The following PTPRD variants were observed in gnomAD, a reference collection of about 807,000 sequenced individuals.
PTPRD encodes receptor-type tyrosine-protein phosphatase delta.
Under a neutral mutation model 214.5 loss-of-function variants are expected in PTPRD, and 34 were observed. The observed-to-expected ratio is 0.16, with a 90% CI of 0.12 to 0.21. PTPRD has a LOEUF of 0.21. Among genes scored for constraint, PTPRD ranks in the 10% least tolerant of loss-of-function variants. The probability of loss-of-function intolerance (pLI) is 1.00; values close to 1 mark genes in which losing one functional copy is unlikely to be tolerated. For synonymous variants in PTPRD, 1,128 were observed against 845.7 expected, an observed-to-expected ratio of 1.33 and a Z score of -5.79; for missense variants, 2,545 against 2,398.7, an observed-to-expected ratio of 1.06 and a Z score of -1.27.
chr9:10,444,312 G>C (rs895011595), intron 2 of PTPRD, among the ~76,000 whole-genome samples: 4 of 151,700 alleles, frequency 2.6e-5, no homozygotes, highest in African/African-American at 4.8e-5. Flanking sequence ...AGTAATAAAA[G>C]ATATTTAATG....
At position 9,631,518 on chromosome 9, in the gene PTPRD, C is replaced by CT. The variant is rs572370104; in HGVS notation, c.-286-56738dup. ...GCACTCTTTATTCAAAGTATAGGGC[C>CT]TTTTTTTCTTGTTTTCTAAACATAG... On this transcript the variant is annotated intron_variant, in intron 7 of 45. Transcript: ENST00000381196. Among the ~76,000 whole-genome samples the CT allele has an allele frequency of 3.6e-4, 55 of 152,134 alleles. No individual in the cohort carries two copies. The South Asian group carries it at 9.8e-3, about 27-fold the overall frequency.
intron 3 of PTPRD, among the ~76,000 whole-genome samples, chr9:10,331,347 G>C (rs547472335): frequency 6.6e-6 from 1 of 151,936 alleles, no homozygotes; most frequent in South Asian, 2.1e-4. Flanking sequence ...ATAGAAGCTT[G>C]TCTAGCTTGA....
intron 8 of PTPRD, among the ~76,000 whole-genome samples, chr9:9,496,802 C>T (rs1168513711): frequency 6.6e-6 from 1 of 151,910 alleles, no homozygotes; most frequent in Non-Finnish European, 1.5e-5. Flanking sequence ...ATTTATACAC[C>T]CATGTTTAGT....
chr9:9,905,141 T>C (rs906509780), intron 5 of PTPRD, among the ~76,000 whole-genome samples: 1 of 151,978 alleles, frequency 6.6e-6, no homozygotes, highest in Non-Finnish European at 1.5e-5. Flanking sequence ...ATTTAGTTCG[T>C]ACTTGAACAC....
At position 10,167,120 on chromosome 9, in the gene PTPRD, C is replaced by A. The variant is rs1564268138; in HGVS notation, c.-544-133330G>T. Among the ~76,000 whole-genome samples, 9 of 130,776 alleles carry A rather than the reference C, an allele frequency of 6.9e-5. No individual in the cohort carries two copies. In the South Asian group the frequency reaches 2.0e-3, roughly 30 times the overall value. 85.8% of individuals were successfully genotyped at this position (130,776 alleles called of 152,430 possible). A position where few individuals can be genotyped will look rare whatever the true frequency, so the allele number is the denominator to read the frequency against. On this transcript the variant is annotated intron_variant, in intron 3 of 45. Coordinates refer to ENST00000381196, the MANE Select transcript of PTPRD (RefSeq NM_002839.4). ...AGGTGCTTAGACTTATAAAAGTAGA[C>A]CTTTTTTTTTTTTCATAACAAATCT...
intron 4 of PTPRD, among the ~76,000 whole-genome samples, chr9:9,987,511 A>G (rs1407915327): frequency 6.6e-6 from 1 of 152,052 alleles, no homozygotes; most frequent in Non-Finnish European, 1.5e-5. Context: ...ATCCAATCTC[A>G]TGAGACCAAT....
chr9:10,087,722 A>G (rs2098370047), intron 3 of PTPRD, among the ~76,000 whole-genome samples: 2 of 151,756 alleles, frequency 1.3e-5, no homozygotes. Context: ...ATATACTAAT[A>G]GAATATGAGT....
intron 9 of PTPRD, among the ~76,000 whole-genome samples, chr9:9,370,264 G>A (rs2059096223): frequency 6.6e-6 from 1 of 151,990 alleles, no homozygotes; most frequent in South Asian, 2.1e-4. Context: ...TCTTCCATTT[G>A]TTTGTGTCCT....
Position 8,824,090 on chromosome 9 carries a change from G to C in PTPRD, c.-103-90144C>G, listed in dbSNP as rs1391024360. ...CTTGTCGCCACTTTGGTGTTGGTGG[G>C]TTTTGGCTGGCTCCTTTACTGTTAC... is the stretch of plus-strand genomic sequence containing the variant. On this transcript the variant is annotated intron_variant, in intron 11 of 45. Coordinates refer to ENST00000381196, the MANE Select transcript of PTPRD (RefSeq NM_002839.4). Among the ~76,000 whole-genome samples, 4 of 152,136 alleles carry C rather than the reference G, an allele frequency of 2.6e-5. No homozygotes were observed. In the East Asian group the frequency reaches 7.7e-4, roughly 29 times the overall value.
intron 11 of PTPRD, among the ~76,000 whole-genome samples, chr9:8,890,359 A>T (rs2098528399): frequency 3.3e-5 from 5 of 152,190 alleles, no homozygotes; most frequent in African/African-American, 1.2e-4. Context: ...TTTCCATCTC[A>T]CATTTCTATC....
intron 2 of PTPRD, among the ~76,000 whole-genome samples, chr9:10,515,914 C>A (rs2049934585): frequency 6.6e-6 from 1 of 151,816 alleles, no homozygotes; most frequent in South Asian, 2.1e-4. Flanking sequence ...GCAGAATTTT[C>A]TTTTTTATGG....
At chr9:8,775,644 T>G (rs911838485) in intron 11 of PTPRD, among the ~76,000 whole-genome samples, 4 of 152,228 alleles carry the variant, frequency 2.6e-5, no homozygotes, top group African/African-American at 4.8e-5. Context: ...CATGGGCATT[T>G]TGCATGATGC....
chr9:9,390,341 T>A (rs942396668), intron 9 of PTPRD, among the ~76,000 whole-genome samples: 38 of 152,114 alleles, frequency 2.5e-4, no homozygotes, highest in African/African-American at 8.9e-4. Context: ...TGAATTAGAA[T>A]ACAGAAGTAC....
At chr9:9,718,352 C>A (rs906937798) in intron 7 of PTPRD, among the ~76,000 whole-genome samples, 2 of 152,124 alleles carry the variant, frequency 1.3e-5, no homozygotes, top group African/African-American at 4.8e-5. Flanking sequence ...CTGCAGAAGC[C>A]CATCTAGAGT....
chr9:10,501,027 T>C (rs941255550), intron 2 of PTPRD, among the ~76,000 whole-genome samples: 2 of 152,098 alleles, frequency 1.3e-5, no homozygotes, highest in Admixed American at 6.6e-5. Context: ...TATCATATAC[T>C]GATTTCCTTA....
At chr9:8,890,385 G>A (rs34065312) in intron 11 of PTPRD, among the ~76,000 whole-genome samples, 31,407 of 152,116 alleles carry the variant, frequency 0.21, 3,966 homozygotes, top group Middle Eastern at 0.29. Context: ...GTGTACAAGT[G>A]TAAGAAACTA....
chr9:9,524,671 G>C (rs113081640), intron 8 of PTPRD, among the ~76,000 whole-genome samples: 1 of 152,088 alleles, frequency 6.6e-6, no homozygotes, highest in Non-Finnish European at 1.5e-5. Flanking sequence ...TATCCTTAAC[G>C]TATAGTCATT....
At chr9:8,646,841 T>C (rs2096704850) in intron 12 of PTPRD, among the ~76,000 whole-genome samples, 1 of 152,220 alleles carries the variant, frequency 6.6e-6, no homozygotes, top group African/African-American at 2.4e-5. Flanking sequence ...ATAGTTTCAA[T>C]GCATACATGA....
chr9:10,347,884 C>T (rs536861666), intron 2 of PTPRD, among the ~76,000 whole-genome samples: 1 of 151,978 alleles, frequency 6.6e-6, no homozygotes, highest in South Asian at 2.1e-4. Flanking sequence ...ATAGGGAAAA[C>T]CTATCTCTAC....
Sources: allele counts gnomAD v4.1 joint callset (sites outside exome capture counted in the v4.1 genomes callset), GRCh38; gene constraint gnomAD v4.1.1; transcripts MANE v1.5; gene names NCBI Gene and HGNC (gene_info 2026-07-23, HGNC 2026-07-21).